The following BAHCC1 variants were observed in gnomAD, a reference collection of about 807,000 sequenced individuals.
BAHCC1 encodes the protein BAH and coiled-coil domain-containing protein 1.
A neutral mutation model predicts 88.2 loss-of-function variants in BAHCC1; 43 were observed. The ratio of observed to expected loss-of-function variants is 0.49; its 90% CI spans 0.38 to 0.63. The LOEUF (loss-of-function observed/expected upper bound fraction) is 0.63. Ranked by LOEUF, BAHCC1 falls within the 20% of genes least tolerant of loss-of-function variation. The probability of loss-of-function intolerance (pLI) is 0.00; values close to 1 mark genes in which losing one functional copy is unlikely to be tolerated. For missense variants in BAHCC1, 3,023 were observed against 1,654.8 expected, an observed-to-expected ratio of 1.83 and a Z score of -14.34; for synonymous variants, 1,510 against 745.5, an observed-to-expected ratio of 2.03 and a Z score of -16.71.
In BAHCC1 at chr17:81,465,323, G is replaced by T. The variant is rs782289237; in HGVS notation, c.*1506G>T. 5.9e-5 allele frequency: 9 copies of T among 152,188 alleles called. No individual in the cohort carries two copies. Among genetic ancestry groups the T allele is most frequent in the Non-Finnish European group, 1.2e-4 (8 of 68,048 alleles). 9.4% of individuals were successfully genotyped at this position (152,188 alleles called of 1,614,324 possible). On this transcript the variant is annotated 3_prime_UTR_variant, in exon 28 of 28. Transcript: ENST00000675386. Reference sequence around the variant, plus strand: ...CTAGTGCTTGGGGCATAGAATGAGGGTCCCCCTGACCACCTGAGCCCAAAT... The same window carrying T: ...CTAGTGCTTGGGGCATAGAATGAGGTTCCCCCTGACCACCTGAGCCCAAAT...
chr17:81,400,002 A>C (rs2063793874), intron 2 of BAHCC1, 85 bp downstream of exon 2: 7 of 1,122,270 alleles, frequency 6.2e-6, no homozygotes, highest in Non-Finnish European at 7.9e-6. Context: ...GGGAGCAGAG[A>C]AGCTTTGGTT....
Position 81,459,486 on chromosome 17 carries a change from G to A in BAHCC1, c.5797-10G>A, listed in dbSNP as rs782040084. ...CACCTGCTCATGGGTCGTCGCCCGC[G>A]TTCCTGCAGGTTCTCGATGTGCGGC... On this transcript the variant is annotated splice_polypyrimidine_tract_variant and intron_variant, in intron 22 of 27. Coordinates refer to ENST00000675386, the MANE Select transcript of BAHCC1 (RefSeq NM_001377448.1). The A allele has an allele frequency of 4.0e-5, 31 of 778,874 alleles. No homozygotes were observed. The highest frequency in any genetic ancestry group is 1.5e-4 in the South Asian group (11 of 74,616). 48.2% of individuals were successfully genotyped at this position (778,874 alleles called of 1,614,324 possible).
chr17:81,458,536 C>CCCCGCACTCA, intron 18 of BAHCC1, 70 bp downstream of exon 18: 1 of 675,826 alleles, frequency 1.5e-6, no homozygotes, highest in Non-Finnish European at 2.7e-6. Flanking sequence ...CCCCGCCCTC[C>CCCCGCACTCA]CCCGCACGCT....
intron 2 of BAHCC1, among the ~76,000 whole-genome samples, chr17:81,424,882 G>A (rs1372817152): frequency 1.3e-5 from 2 of 150,702 alleles, no homozygotes; most frequent in Non-Finnish European, 3.0e-5. Context: ...GATGGTAGGT[G>A]ATGTGGTAGT....
Position 81,461,246 on chromosome 17 carries a change from G to A in BAHCC1, c.6583G>A (p.Glu2195Lys), listed in dbSNP as rs782780251. 4 of 707,702 alleles carry A rather than the reference G, an allele frequency of 5.7e-6. No individual in the cohort carries two copies. Among genetic ancestry groups the A allele is most frequent in the South Asian group, 1.5e-5 (1 of 66,400 alleles). 43.8% of individuals were successfully genotyped at this position (707,702 alleles called of 1,614,324 possible). A position where few individuals can be genotyped will look rare whatever the true frequency, so the allele number is the denominator to read the frequency against. The change falls in exon 26 of 28, where the codon GAG becomes AAG. Residue 2195 changes from glutamate to lysine, a missense_variant. Physicochemically the swap from Glu to Lys is moderately conservative, Grantham distance 56 (BLOSUM62 1). Coordinates refer to ENST00000675386, the MANE Select transcript of BAHCC1 (RefSeq NM_001377448.1). ...RAKKAERVEAEKGGRRRAGGE... is the reference protein window; with the variant it reads ...RAKKAERVEAKKGGRRRAGGE... The stretch of plus-strand genomic sequence containing the variant: ...TAAGAAGGCCGAGAGGGTGGAGGCC[G>A]AGAAGGGTGGGCGGCGGCGGGCGGG...
In BAHCC1 at chr17:81,426,913, C is replaced by A. The variant is rs1013216771; in HGVS notation, c.292C>A (p.Pro98Thr). The change falls in exon 3 of 28, where the codon CCT becomes ACT. Residue 98 changes from proline to threonine, a missense_variant. Pro to Thr is a conservative substitution (Grantham distance 38). Transcript: ENST00000675386. ...CCCCAGCGGCCCCAGCTCCTCCCCCCCTGAGCAGGCCTACCGTGGCTCCCA... is the reference window on the plus strand; with the variant it reads ...CCCCAGCGGCCCCAGCTCCTCCCCCACTGAGCAGGCCTACCGTGGCTCCCA... ...THPSGPSSSP[P>T]EQAYRGSHPT... 91 of 398,990 alleles carry A rather than the reference C, an allele frequency of 2.3e-4. No homozygotes were observed. Among genetic ancestry groups the A allele is most frequent in the African/African-American group, 7.2e-4 (35 of 48,754 alleles). 24.7% of individuals were successfully genotyped at this position (398,990 alleles called of 1,614,324 possible).
At chr17:81,446,739 G>A (rs151315470) in intron 10 of BAHCC1, 9 of 561,204 alleles carry the variant, frequency 1.6e-5, no homozygotes, top group Non-Finnish European at 3.1e-5. Context: ...TTTTTGTAGT[G>A]GCACGTGCTC....
At position 81,458,467 on chromosome 17, in the gene BAHCC1, G is replaced by A. The variant is rs2029931050; in HGVS notation, c.5343+1G>A. ...CACAGTGCTGCAGCCAGTGCTGCGGGTGAGGCTGGGCTCTGGGGTGCTGGG... is the reference window on the plus strand; with the variant it reads ...CACAGTGCTGCAGCCAGTGCTGCGGATGAGGCTGGGCTCTGGGGTGCTGGG... On this transcript the variant is annotated splice_donor_variant, in intron 18 of 27. Transcript: ENST00000675386. LOFTEE classifies it high-confidence loss of function. The A allele has an allele frequency of 1.4e-6, 1 of 706,296 alleles. No homozygotes were observed. Among genetic ancestry groups the A allele is most frequent in the South Asian group, 1.5e-5 (1 of 65,648 alleles). The allele number at this position is 706,296 out of a possible 1,614,324, so 43.8% of individuals were successfully genotyped here.
intron 2 of BAHCC1, among the ~76,000 whole-genome samples, chr17:81,415,307 G>T (rs1474026503): frequency 6.6e-6 from 1 of 152,270 alleles, no homozygotes; most frequent in African/African-American, 2.4e-5. Context: ...TCGCAGCAGG[G>T]TGCTGCCTGG....
At chr17:81,422,396 G>A (rs547169666) in intron 2 of BAHCC1, among the ~76,000 whole-genome samples, 5 of 152,324 alleles carry the variant, frequency 3.3e-5, no homozygotes, top group South Asian at 4.1e-4. Flanking sequence ...AATCCAGGTG[G>A]CCCGTTTCCA....
chr17:81,433,627 A>G (rs1273997442), intron 3 of BAHCC1, among the ~76,000 whole-genome samples: 394 of 83,992 alleles, frequency 4.7e-3, no homozygotes, highest in African/African-American at 9.8e-3. Flanking sequence ...TCAGTCCACC[A>G]AGGCCCCTCC....
chr17:81,450,868 A>G (rs572451956), intron 11 of BAHCC1, among the ~76,000 whole-genome samples: 1 of 152,290 alleles, frequency 6.6e-6, no homozygotes, highest in South Asian at 2.1e-4. Context: ...TGATGGAGCC[A>G]CCACACTCCA....
At chr17:81,444,188 C>A (rs956851938) in intron 6 of BAHCC1, 193 bp from the exon 7 acceptor site, 14 of 606,786 alleles carry the variant, frequency 2.3e-5, no homozygotes, top group South Asian at 2.2e-4. Context: ...GAGGCTGGAG[C>A]CTGGGGTTTT....
chr17:81,450,809 T>C (rs1555655600), intron 11 of BAHCC1, among the ~76,000 whole-genome samples: 2 of 152,094 alleles, frequency 1.3e-5, no homozygotes, highest in Non-Finnish European at 2.9e-5. Context: ...CCCAGGAAGC[T>C]GAGGTGGGAG....
intron 4 of BAHCC1, among the ~76,000 whole-genome samples, chr17:81,439,524 C>T (rs573302362): frequency 2.1e-5 from 3 of 144,962 alleles, no homozygotes; most frequent in Non-Finnish European, 3.0e-5. Context: ...CAAGGGGATC[C>T]GAGAGGTGTC....
intron 2 of BAHCC1, among the ~76,000 whole-genome samples, chr17:81,419,335 C>T (rs1350695476): frequency 2.0e-5 from 3 of 152,268 alleles, no homozygotes; most frequent in Admixed American, 6.5e-5. Flanking sequence ...GGCTGCACCT[C>T]CCCTCTGCAT....
At chr17:81,429,752 C>T (rs2064239204) in intron 3 of BAHCC1, among the ~76,000 whole-genome samples, 1 of 152,208 alleles carries the variant, frequency 6.6e-6, no homozygotes, top group South Asian at 2.1e-4. Flanking sequence ...CAGCTTGCCA[C>T]CCCCTCCCCA....
At chr17:81,446,979 A>G in intron 10 of BAHCC1, 57 bp from the exon 11 acceptor site, 1 of 770,872 alleles carries the variant, frequency 1.3e-6, no homozygotes, top group Non-Finnish European at 2.4e-6. Flanking sequence ...GTCCTATCGC[A>G]GGACACCCCC....
chr17:81,458,158 C>T lies in BAHCC1; in HGVS notation c.5042-7C>T, dbSNP rs782300443. On this transcript the variant is annotated splice_polypyrimidine_tract_variant and splice_region_variant and intron_variant, in intron 17 of 27. Coordinates refer to ENST00000675386, the MANE Select transcript of BAHCC1 (RefSeq NM_001377448.1). ...ACCCCTGTGACGGCCTCCTCTCCTT[C>T]CCACAGGGGCCTGCCGCCTGTCCAG... 2.8e-6 allele frequency: 2 copies of T among 716,986 alleles called. No individual in the cohort carries two copies. Among genetic ancestry groups the T allele is most frequent in the East Asian group, 2.7e-5 (1 of 37,376 alleles). 44.4% of individuals were successfully genotyped at this position (716,986 alleles called of 1,614,324 possible).
Sources: gnomAD v4.1 joint callset for allele counts (sites outside exome capture counted in the v4.1 genomes callset) on GRCh38, gnomAD v4.1.1 for gene constraint, MANE v1.5 for transcripts, NCBI Gene and HGNC (gene_info 2026-07-23, HGNC 2026-07-21) for gene names.